Variants in NALF1 observed in about 807,000 individuals in gnomAD.
NALF1 encodes family with sequence similarity 155 member A.
In NALF1, 3 loss-of-function variants were observed where a neutral mutation model predicts 48.4. The ratio of observed to expected loss-of-function variants is 0.06; its 90% CI spans 0.03 to 0.16. The LOEUF (loss-of-function observed/expected upper bound fraction) is 0.16, where lower values mean the gene tolerates loss of function less well. Ranked by LOEUF, NALF1 falls within the 10% of genes least tolerant of loss-of-function variation. NALF1 has a pLI of 1.00. For synonymous variants in NALF1, 262 were observed against 245.7 expected (o/e 1.07, Z -0.62); for missense variants, 526 against 571.5 (o/e 0.92, Z 0.81).
chr13:107,413,777 T>C (rs74683447), intron 1 of NALF1, among the ~76,000 whole-genome samples: 32,890 of 152,130 alleles, frequency 0.22, 4,049 homozygotes, highest in Middle Eastern at 0.28. Flanking sequence ...TAGTAATATA[T>C]AGAAATATTT....
At chr13:107,560,146 C>T (rs1019591241) in intron 1 of NALF1, among the ~76,000 whole-genome samples, 37 of 152,120 alleles carry the variant, frequency 2.4e-4, no homozygotes, top group African/African-American at 8.2e-4. Flanking sequence ...GACTTTGAAA[C>T]GCCCGTAGAA....
intron 1 of NALF1, among the ~76,000 whole-genome samples, chr13:107,522,923 A>C (rs1228542885): frequency 6.6e-6 from 1 of 151,880 alleles, no homozygotes; most frequent in Non-Finnish European, 1.5e-5. Context: ...TGGCCCCTCC[A>C]GATTCTTTGA....
chr13:107,653,192 C>T (rs767409269), intron 1 of NALF1, among the ~76,000 whole-genome samples: 8 of 151,948 alleles, frequency 5.3e-5, no homozygotes, highest in African/African-American at 7.2e-5. Context: ...TATTTTACCA[C>T]ATTAAATTAG....
intron 1 of NALF1, among the ~76,000 whole-genome samples, chr13:107,380,323 T>C (rs1883410930): frequency 6.6e-6 from 1 of 152,194 alleles, no homozygotes; most frequent in Non-Finnish European, 1.5e-5. Flanking sequence ...ATTATTTATG[T>C]GATAGTGATT....
intron 1 of NALF1, among the ~76,000 whole-genome samples, chr13:107,680,078 A>AGTGCCCAG (rs1361238636): frequency 2.6e-5 from 4 of 152,118 alleles, no homozygotes; most frequent in Non-Finnish European, 5.9e-5. Flanking sequence ...TCCCTGCCTG[A>AGTGCCCAG]GTGCCCAGGT....
At chr13:107,818,871 C>CAAAAAAAAAAAAAAAAAA (rs774372636) in intron 1 of NALF1, among the ~76,000 whole-genome samples, 4 of 73,818 alleles carry the variant, frequency 5.4e-5, no homozygotes, top group African/African-American at 1.3e-4. Flanking sequence ...GACTCCGTCT[C>CAAAAAAAAAAAAAAAAAA]AAAAAAAAAA....
intron 1 of NALF1, among the ~76,000 whole-genome samples, chr13:107,863,360 C>T (rs1307857009): frequency 6.6e-6 from 1 of 152,132 alleles, no homozygotes; most frequent in African/African-American, 2.4e-5. Context: ...AGAAACTATG[C>T]TTCTACTCCC....
At chr13:107,604,770 G>T (rs2138427265) in intron 1 of NALF1, among the ~76,000 whole-genome samples, 1 of 152,130 alleles carries the variant, frequency 6.6e-6, no homozygotes, top group Middle Eastern at 3.4e-3. Flanking sequence ...GTGGCCAGTG[G>T]GTGACATCAT....
chr13:107,366,508 A>G (rs976086000), intron 1 of NALF1, among the ~76,000 whole-genome samples: 18 of 152,188 alleles, frequency 1.2e-4, no homozygotes, highest in Non-Finnish European at 2.5e-4. Flanking sequence ...GCTCAGCCCA[A>G]TTTTGGAGGC....
At chr13:107,475,973 A>G (rs1885171745) in intron 1 of NALF1, among the ~76,000 whole-genome samples, 1 of 152,170 alleles carries the variant, frequency 6.6e-6, no homozygotes, top group Non-Finnish European at 1.5e-5. Context: ...CCCAAAACCT[A>G]TAAATCACTG....
At chr13:107,827,344 T>C (rs1879551173) in intron 1 of NALF1, among the ~76,000 whole-genome samples, 1 of 152,210 alleles carries the variant, frequency 6.6e-6, no homozygotes, top group Non-Finnish European at 1.5e-5. Flanking sequence ...TAGATTATGG[T>C]TCATCTGACC....
At chr13:107,396,918 C>T (rs139160209) in intron 1 of NALF1, among the ~76,000 whole-genome samples, 5 of 152,256 alleles carry the variant, frequency 3.3e-5, no homozygotes, top group East Asian at 1.9e-4. Flanking sequence ...TGTGTGTTTA[C>T]GTGTTTATAT....
chr13:107,863,144 T>A lies in NALF1; in HGVS notation c.915+2538A>T, dbSNP rs530340767. On this transcript the variant is annotated intron_variant, in intron 1 of 2. Coordinates refer to ENST00000375915, the MANE Select transcript of NALF1 (RefSeq NM_001080396.3). ...TGCAGATGCCTTCAGAAAGGAAAAA[T>A]TTTGCATAGAACTTCTATCTTGAAC... 3.9e-5 allele frequency among the ~76,000 whole-genome samples: 6 copies of A among 152,014 alleles called. No individual in the cohort carries two copies. The East Asian group carries it at 1.2e-3, about 29-fold the overall frequency.
At chr13:107,776,798 T>C (rs1156599056) in intron 1 of NALF1, among the ~76,000 whole-genome samples, 1 of 152,120 alleles carries the variant, frequency 6.6e-6, no homozygotes, top group Non-Finnish European at 1.5e-5. Context: ...TTAATAAAAA[T>C]ACTGAAAATT....
chr13:107,570,367 A>G (rs1877949431), intron 1 of NALF1, among the ~76,000 whole-genome samples: 1 of 151,974 alleles, frequency 6.6e-6, no homozygotes, highest in African/African-American at 2.4e-5. Flanking sequence ...AGCTCTCTCT[A>G]TTCCTAGTAT....
intron 1 of NALF1, among the ~76,000 whole-genome samples, chr13:107,856,997 T>G (rs1296553745): frequency 1.3e-5 from 2 of 152,316 alleles, no homozygotes; most frequent in East Asian, 3.9e-4. Context: ...CTCTCACCCC[T>G]AAAGCAACAC....
intron 1 of NALF1, among the ~76,000 whole-genome samples, chr13:107,276,466 C>T (rs1881283466): frequency 6.6e-6 from 1 of 152,030 alleles, no homozygotes; most frequent in Non-Finnish European, 1.5e-5. Flanking sequence ...AGCATATACT[C>T]AGCTATTTGT....
chr13:107,436,848 T>C (rs968777150), intron 1 of NALF1, among the ~76,000 whole-genome samples: 10 of 152,180 alleles, frequency 6.6e-5, no homozygotes, highest in Non-Finnish European at 1.0e-4. Flanking sequence ...AAACAATTAT[T>C]AGAATTAATG....
intron 1 of NALF1, among the ~76,000 whole-genome samples, chr13:107,464,675 T>C (rs9520456): frequency 0.7 from 106,122 of 151,886 alleles, 37,615 homozygotes; most frequent in Middle Eastern, 0.79. Context: ...CATGAACAGC[T>C]ACGCCTGGCA....
Sources: allele counts gnomAD v4.1 joint callset (sites outside exome capture counted in the v4.1 genomes callset), GRCh38; gene constraint gnomAD v4.1.1; transcripts MANE v1.5; gene names NCBI Gene and HGNC (gene_info 2026-07-23, HGNC 2026-07-21).